The following SAMMSON variants were observed in gnomAD, a reference collection of about 807,000 sequenced individuals.
SAMMSON encodes long intergenic non-protein coding RNA 1212.
intron 2 of SAMMSON, among the ~76,000 whole-genome samples, chr3:70,405,169 G>A (rs1056966522): frequency 6.6e-6 from 1 of 151,988 alleles, no homozygotes; most frequent in Non-Finnish European, 1.5e-5. Context: ...ACCAAATAAG[G>A]GTCACCACAT....
At chr3:70,322,304 A>G (rs892154477) in intron 7 of SAMMSON, among the ~76,000 whole-genome samples, 1 of 152,122 alleles carries the variant, frequency 6.6e-6, no homozygotes, top group Non-Finnish European at 1.5e-5. Context: ...TGTCAGTTAA[A>G]TTTATCCTAA....
intron 4 of SAMMSON, among the ~76,000 whole-genome samples, chr3:70,217,474 G>C (rs1050590750): frequency 6.6e-6 from 1 of 152,112 alleles, no homozygotes; most frequent in African/African-American, 2.4e-5. Context: ...CTTGTACCAA[G>C]AGGGATTGGG....
intron 9 of SAMMSON, among the ~76,000 whole-genome samples, chr3:70,364,487 C>G (rs1702903687): frequency 6.6e-6 from 1 of 151,852 alleles, no homozygotes; most frequent in Admixed American, 6.6e-5. Context: ...TTTCTTCCCT[C>G]TTTAACAAGC....
intron 4 of SAMMSON, among the ~76,000 whole-genome samples, chr3:70,150,440 T>C (rs2067566942): frequency 6.6e-6 from 1 of 152,108 alleles, no homozygotes; most frequent in South Asian, 2.1e-4. Context: ...GAGCTAGTTC[T>C]TATCCAAGTA....
intron 3 of SAMMSON, among the ~76,000 whole-genome samples, chr3:70,058,570 TGAG>T (rs2067176133): frequency 6.6e-6 from 1 of 152,094 alleles, no homozygotes; most frequent in Non-Finnish European, 1.5e-5. Context: ...GCCACAGTAC[TGAG>T]GAGAAGTAAG....
At chr3:70,258,348 C>A (rs930509997) in intron 6 of SAMMSON, among the ~76,000 whole-genome samples, 1 of 151,624 alleles carries the variant, frequency 6.6e-6, no homozygotes, top group African/African-American at 2.4e-5. Flanking sequence ...AAATAAAAAG[C>A]GAGCATATAT....
intron 6 of SAMMSON, among the ~76,000 whole-genome samples, chr3:70,266,588 G>T (rs1349455424): frequency 6.6e-6 from 1 of 151,528 alleles, no homozygotes; most frequent in Non-Finnish European, 1.5e-5. Context: ...CCACACAAGG[G>T]TGAATTTTTT....
At chr3:70,418,979 TTCTC>T (rs71129503) in intron 2 of SAMMSON, among the ~76,000 whole-genome samples, 744 of 67,056 alleles carry the variant, frequency 0.011, 57 homozygotes, top group East Asian at 0.049. Flanking sequence ...CCTTCCTTCC[TTCTC>T]TCTCTCTCTC....
intron 2 of SAMMSON, among the ~76,000 whole-genome samples, chr3:70,403,851 A>G (rs1701159453): frequency 6.6e-6 from 1 of 152,160 alleles, no homozygotes. Context: ...TATATGTGTG[A>G]TACTTATGAT....
chr3:70,266,195 T>G (rs1701915831), intron 6 of SAMMSON, among the ~76,000 whole-genome samples: 1 of 152,190 alleles, frequency 6.6e-6, no homozygotes, highest in African/African-American at 2.4e-5. Flanking sequence ...ACATTTATGT[T>G]TTTTTATTGA....
At chr3:70,276,678 C>T (rs1702029962) in intron 6 of SAMMSON, among the ~76,000 whole-genome samples, 1 of 152,194 alleles carries the variant, frequency 6.6e-6, no homozygotes, top group Non-Finnish European at 1.5e-5. Context: ...ATATGGCCTA[C>T]TGCATTTTTT....
At chr3:70,036,203 T>C (rs886267058) in intron 3 of SAMMSON, among the ~76,000 whole-genome samples, 1 of 152,178 alleles carries the variant, frequency 6.6e-6, no homozygotes, top group Non-Finnish European at 1.5e-5. Flanking sequence ...TCAGCTTCTT[T>C]ATATGCCTCT....
chr3:70,073,568 A>G (rs1442878116), intron 4 of SAMMSON, among the ~76,000 whole-genome samples: 1 of 151,988 alleles, frequency 6.6e-6, no homozygotes, highest in Admixed American at 6.6e-5. Context: ...TTATTGGTTT[A>G]GTTGATTTTT....
At position 70,018,449 on chromosome 3, in the gene SAMMSON, C is replaced by T. The variant is rs529566612; in HGVS notation, n.417+4777C>T. Among the ~76,000 whole-genome samples the T allele has an allele frequency of 6.3e-3, 955 of 151,846 alleles. 7 individuals are homozygous for T. Among genetic ancestry groups the T allele is most frequent in the African/African-American group, 0.02 (847 of 41,380 alleles). On this transcript the variant is annotated intron_variant and non_coding_transcript_variant, in intron 3 of 9. Transcript: ENST00000642114. ...ATATCCCCTGTATCATTTTTTATTG[C>T]GTCTATTTGATTCTTCTCTCTTTTC...
intron 6 of SAMMSON, among the ~76,000 whole-genome samples, chr3:70,275,343 T>C (rs960122231): frequency 6.6e-6 from 1 of 151,950 alleles, no homozygotes; most frequent in Non-Finnish European, 1.5e-5. Context: ...ACCTCGTCTC[T>C]ACAAAAAATA....
At chr3:70,029,867 T>C (rs2067057903) in intron 3 of SAMMSON, among the ~76,000 whole-genome samples, 1 of 152,166 alleles carries the variant, frequency 6.6e-6, no homozygotes, top group Non-Finnish European at 1.5e-5. Flanking sequence ...AATCCTTGCT[T>C]TTTACTATTT....
chr3:70,265,190 G>C (rs1701904872), intron 6 of SAMMSON, among the ~76,000 whole-genome samples: 1 of 152,158 alleles, frequency 6.6e-6, no homozygotes, highest in African/African-American at 2.4e-5. Flanking sequence ...ATATCAGGGG[G>C]AGAATGTAAA....
At chr3:70,015,438 C>A (rs977736510) in intron 3 of SAMMSON, 1 of 151,658 alleles carries the variant, frequency 6.6e-6, no homozygotes, top group Non-Finnish European at 1.5e-5. Context: ...GTTTATTTAC[C>A]CAGTGTACAG....
rs552954594 is a variant in SAMMSON at position 70,394,925 on chromosome 3, A to G, written n.233+36601A>G. Among the ~76,000 whole-genome samples the G allele has an allele frequency of 8.5e-5, 13 of 152,344 alleles. No homozygotes were observed. In the South Asian group the frequency reaches 1.7e-3, roughly 19 times the overall value. On this transcript the variant is annotated intron_variant and non_coding_transcript_variant, in intron 2 of 3. Coordinates refer to the SAMMSON transcript ENST00000641053. ...TACTTAATATTTTGATATTTTGTTC[A>G]TAATTAGTTTTTGTCCATTACTTTC...
Sources: gnomAD v4.1 joint callset for allele counts (sites outside exome capture counted in the v4.1 genomes callset) on GRCh38, gnomAD v4.1.1 for gene constraint, MANE v1.5 for transcripts, NCBI Gene and HGNC (gene_info 2026-07-23, HGNC 2026-07-21) for gene names.